Variants in CDK5RAP1 observed in about 807,000 individuals in gnomAD.
CDK5RAP1 encodes CDK5RAP1 mitochondrial tRNA methylthiotransferase, also known as mitochondrial tRNA methylthiotransferase CDK5RAP1.
In CDK5RAP1, 62 loss-of-function variants were observed where a neutral mutation model predicts 64.5. That is an observed-to-expected ratio of 0.96 (90% CI 0.78 to 1.19). CDK5RAP1 has a LOEUF of 1.19. CDK5RAP1 is among the 50% of genes most tolerant of loss of function. The pLI, the probability that CDK5RAP1 is intolerant of heterozygous loss-of-function variation, is 0.00. For synonymous variants in CDK5RAP1, 250 were observed against 261.9 expected (o/e 0.95, Z 0.44); for missense variants, 657 against 735.0 (o/e 0.89, Z 1.23).
chr20:33,397,086 T>A lies in CDK5RAP1; in HGVS notation c.-20-2A>T, dbSNP rs1568734678. On this transcript the variant is annotated splice_acceptor_variant, in intron 1 of 13. Transcript: ENST00000346416. LOFTEE classifies it low-confidence loss of function (5UTR_SPLICE). ...GCATGGCACTAAACAGCCCACAGTC[T>A]GCAAAAGAATGACAGACATCACCAG... The A allele has an allele frequency of 6.4e-7, 1 of 1,571,740 alleles. No homozygotes were observed.
At chr20:33,389,431 C>A (rs1987995146) in intron 5 of CDK5RAP1, among the ~76,000 whole-genome samples, 1 of 152,130 alleles carries the variant, frequency 6.6e-6, no homozygotes, top group African/African-American at 2.4e-5. Flanking sequence ...CGCCCGGCAG[C>A]TGCCCCGACT....
intron 8 of CDK5RAP1, among the ~76,000 whole-genome samples, chr20:33,374,707 G>A (rs1185120804): frequency 6.6e-6 from 1 of 151,852 alleles, no homozygotes; most frequent in Non-Finnish European, 1.5e-5. Flanking sequence ...GGGATTACAG[G>A]CACAAACCAC....
chr20:33,385,609 C>G (rs1161371320), intron 7 of CDK5RAP1, 41 bp downstream of exon 7: 3 of 1,610,044 alleles, frequency 1.9e-6, no homozygotes. Context: ...TCATCCTCCC[C>G]CAAACATGTT....
At chr20:33,361,877 A>T (rs1982979733) in intron 12 of CDK5RAP1, among the ~76,000 whole-genome samples, 1 of 148,390 alleles carries the variant, frequency 6.7e-6, no homozygotes, top group South Asian at 2.2e-4. Context: ...AATCGCTTAA[A>T]CCTGGGAGGC....
intron 12 of CDK5RAP1, among the ~76,000 whole-genome samples, chr20:33,363,590 AT>A (rs929270362): frequency 1.3e-5 from 2 of 150,814 alleles, no homozygotes; most frequent in South Asian, 2.1e-4. Context: ...TTTTACAGTA[AT>A]TTTTTTTTTA....
chr20:33,367,800 G>A (rs1600714974), intron 11 of CDK5RAP1, among the ~76,000 whole-genome samples: 1 of 152,298 alleles, frequency 6.6e-6, no homozygotes, highest in South Asian at 2.1e-4. Context: ...TATGACATGA[G>A]CTCATGCTCA....
intron 6 of CDK5RAP1, among the ~76,000 whole-genome samples, chr20:33,386,803 A>ATATTTGAGACTTAGCAGGC: frequency 6.6e-6 from 1 of 152,044 alleles, no homozygotes; most frequent in African/African-American, 2.4e-5. Context: ...CCTATAGTAA[A>ATATTTGAGACTTAGCAGGC]TATTTGAGAC....
intron 12 of CDK5RAP1, among the ~76,000 whole-genome samples, chr20:33,362,763 C>T (rs963963478): frequency 6.6e-6 from 1 of 152,092 alleles, no homozygotes; most frequent in African/African-American, 2.4e-5. Context: ...GAGTGGTACC[C>T]AGTTTGGGGT....
At position 33,384,244 on chromosome 20, in the gene CDK5RAP1, A is replaced by C. The variant is rs374895047; in HGVS notation, c.876+1406T>G. 3.2e-4 allele frequency among the ~76,000 whole-genome samples: 49 copies of C among 152,344 alleles called. 1 individual carries two copies. In the South Asian group the frequency reaches 8.3e-3, roughly 26 times the overall value. On this transcript the variant is annotated intron_variant, in intron 7 of 13. Transcript: ENST00000346416. ...TAACAGATACTTTAAAATACAAGTAAAATCTTAATTTTCCACAAGTCTATG... is the reference window on the plus strand; with the variant it reads ...TAACAGATACTTTAAAATACAAGTACAATCTTAATTTTCCACAAGTCTATG...
intron 9 of CDK5RAP1, chr20:33,373,170 G>GTGTGTGTC (rs1366198971): frequency 6.1e-6 from 1 of 163,918 alleles, no homozygotes; most frequent in East Asian, 1.8e-4. Flanking sequence ...GTGTGTGTGT[G>GTGTGTGTC]TGTGTCTGTG....
chr20:33,366,770 C>T, intron 12 of CDK5RAP1, 89 bp downstream of exon 12: 1 of 1,281,972 alleles, frequency 7.8e-7, no homozygotes, highest in Non-Finnish European at 1.1e-6. Flanking sequence ...AGTTTGAGTC[C>T]AGCCTAGGCA....
chr20:33,395,108 C>T lies in CDK5RAP1; in HGVS notation c.313G>A (p.Glu105Lys). 6 of 1,606,646 alleles carry T rather than the reference C, an allele frequency of 3.7e-6. No individual in the cohort carries two copies. The highest frequency in any genetic ancestry group is 1.1e-5 in the South Asian group (1 of 90,952). ...LLGRQRKVYL[E>K]TYGCQMNVND... ...ACATTCATCTGGCAGCCATAGGTCT[C>T]GAGGTAGACTGCAGTGAGAGGTTGG... Residue 105 changes from glutamate to lysine, a missense_variant, in exon 3 of 14, where the codon GAG becomes AAG. By Grantham distance (56) the Glu-to-Lys change is moderately conservative (BLOSUM62 1). Coordinates refer to ENST00000346416, the MANE Select transcript of CDK5RAP1 (RefSeq NM_016408.4).
chr20:33,398,439 A>G (rs544560899), intron 1 of CDK5RAP1, among the ~76,000 whole-genome samples: 1 of 152,342 alleles, frequency 6.6e-6, no homozygotes, highest in Non-Finnish European at 1.5e-5. Context: ...GGTTGCAGTG[A>G]GCCAAGATCA....
chr20:33,388,177 T>C (rs1345122416), intron 5 of CDK5RAP1, among the ~76,000 whole-genome samples: 2 of 152,186 alleles, frequency 1.3e-5, no homozygotes, highest in Non-Finnish European at 2.9e-5. Context: ...ATTCTGTGTC[T>C]GGAACTTACT....
At chr20:33,389,611 C>T (rs1051002559) in intron 5 of CDK5RAP1, among the ~76,000 whole-genome samples, 6 of 149,682 alleles carry the variant, frequency 4.0e-5, no homozygotes, top group South Asian at 2.1e-4. Context: ...CCCGGCCAGC[C>T]GCCCCGTCCA....
rs1982386934 is a variant in CDK5RAP1 at position 33,358,844 on chromosome 20, C to T, written c.*199G>A. ...TCAAAGTGAGAGACAAAGGGTTAAC[C>T]TTAGTTTAGGTAAATTTAATGACTG... On this transcript the variant is annotated 3_prime_UTR_variant, in exon 14 of 14. Coordinates refer to ENST00000346416, the MANE Select transcript of CDK5RAP1 (RefSeq NM_016408.4). The T allele has an allele frequency of 5.6e-6, 3 of 538,252 alleles. No homozygotes were observed. Among genetic ancestry groups the T allele is most frequent in the Admixed American group, 3.4e-5 (1 of 29,658 alleles). The allele number at this position is 538,252 out of a possible 1,614,324, so 33.3% of individuals were successfully genotyped here. A position where few individuals can be genotyped will look rare whatever the true frequency, so the allele number is the denominator to read the frequency against.
rs61756285 is a variant in CDK5RAP1, at chr20:33,385,660, A to G, written c.866T>C (p.Leu289Pro). 12 of 1,614,020 alleles carry G rather than the reference A, an allele frequency of 7.4e-6. No individual in the cohort carries two copies. The highest frequency in any genetic ancestry group is 1.0e-5 in the Non-Finnish European group (12 of 1,179,994). ...TGGAGAACTCTTCACCTGCTCAGAA[A>G]GCTTCTTCACTTCCTCTAGAATGGA... ...IASILEEVKK[L>P]SEQGLKEVTL... Residue 289 changes from leucine to proline, a missense_variant, in exon 7 of 14, where the codon CTT becomes CCT. Leu to Pro is a moderately conservative substitution (Grantham distance 98, BLOSUM62 -3). Coordinates refer to ENST00000346416, the MANE Select transcript of CDK5RAP1 (RefSeq NM_016408.4).
At chr20:33,388,723 T>TG (rs1309920177) in intron 5 of CDK5RAP1, among the ~76,000 whole-genome samples, 1 of 151,866 alleles carries the variant, frequency 6.6e-6, no homozygotes, top group East Asian at 1.9e-4. Flanking sequence ...GCAACCTCCC[T>TG]GCCTGATTCT....
In CDK5RAP1 at chr20:33,385,668, C is replaced by T. The variant is rs1277739707; in HGVS notation, c.858G>A (p.Val286=). 1.2e-6 allele frequency: 2 copies of T among 1,614,074 alleles called. No homozygotes were observed. Among genetic ancestry groups the T allele is most frequent in the African/African-American group, 1.3e-5 (1 of 74,948 alleles). ...TCTTCACCTGCTCAGAAAGCTTCTT[C>T]ACTTCCTCTAGAATGGAGGCAATAG... ...SRPIASILEE[V]KKLSEQGLKE... is the part of the protein sequence containing the mutation. Residue 286 remains valine, a synonymous_variant, in exon 7 of 14, where the codon GTG becomes GTA. Coordinates refer to ENST00000346416, the MANE Select transcript of CDK5RAP1 (RefSeq NM_016408.4).
Sources: gnomAD v4.1 joint callset for allele counts (sites outside exome capture counted in the v4.1 genomes callset) on GRCh38, gnomAD v4.1.1 for gene constraint, MANE v1.5 for transcripts, NCBI Gene and HGNC (gene_info 2026-07-23, HGNC 2026-07-21) for gene names.